The following SPATA16 variants were observed in gnomAD, a reference collection of about 807,000 sequenced individuals.
SPATA16 encodes spermatogenesis associated 16, also known as spermatogenesis-associated protein 16.
Under a neutral mutation model 63.3 loss-of-function variants are expected in SPATA16, and 36 were observed. The observed-to-expected ratio is 0.57, with a 90% confidence interval of 0.44 to 0.75. The LOEUF is 0.75. Among genes scored for constraint, SPATA16 ranks in the 30% least tolerant of loss-of-function variants. The pLI is 0.00. For synonymous variants in SPATA16, 203 were observed against 216.7 expected, an observed-to-expected ratio of 0.94 and a Z score of 0.56; for missense variants, 646 against 679.3, an observed-to-expected ratio of 0.95 and a Z score of 0.54.
chr3:172,984,474 C>G (rs1466937087), intron 4 of SPATA16, among the ~76,000 whole-genome samples: 1 of 152,214 alleles, frequency 6.6e-6, no homozygotes. Context: ...CATAAGGAGA[C>G]TCAGCTTTGA....
chr3:173,130,806 C>T (rs894392136), intron 1 of SPATA16, among the ~76,000 whole-genome samples: 8 of 152,090 alleles, frequency 5.3e-5, no homozygotes, highest in African/African-American at 1.9e-4. Context: ...TTTGTATATA[C>T]TTATCCTTGG....
chr3:173,097,149 C>A (rs1737378602), intron 2 of SPATA16, among the ~76,000 whole-genome samples: 1 of 152,154 alleles, frequency 6.6e-6, no homozygotes, highest in Non-Finnish European at 1.5e-5. Context: ...TGTGAATCAT[C>A]CTTTTGTCTC....
intron 1 of SPATA16, among the ~76,000 whole-genome samples, chr3:173,134,488 C>CAA (rs201843813): frequency 0.01 from 1,475 of 145,350 alleles, 21 homozygotes; most frequent in African/African-American, 0.036. Flanking sequence ...GACTCTGCCT[C>CAA]AAAAAAGAAA....
intron 1 of SPATA16, among the ~76,000 whole-genome samples, chr3:173,131,243 C>A (rs192267621): frequency 6.6e-6 from 1 of 152,128 alleles, no homozygotes; most frequent in African/African-American, 2.4e-5. Flanking sequence ...CAAAATACAT[C>A]GTTCAAACAG....
At chr3:172,976,637 A>T (rs1368355023) in intron 5 of SPATA16, among the ~76,000 whole-genome samples, 1 of 152,086 alleles carries the variant, frequency 6.6e-6, no homozygotes, top group Non-Finnish European at 1.5e-5. Flanking sequence ...CAGGCTGTAG[A>T]TCAGTAAGAA....
At chr3:172,920,306 T>C (rs1174471520) in intron 8 of SPATA16, among the ~76,000 whole-genome samples, 1 of 152,350 alleles carries the variant, frequency 6.6e-6, no homozygotes, top group Non-Finnish European at 1.5e-5. Context: ...ACTATGCATG[T>C]GCTTCTCCTA....
At position 173,115,935 on chromosome 3, in the gene SPATA16, C is replaced by T. The variant is rs148794264; in HGVS notation, c.612+1185G>A. Among the ~76,000 whole-genome samples, 1,504 of 151,700 alleles carry T rather than the reference C, an allele frequency of 9.9e-3. 6 individuals are homozygous for T. The highest frequency in any genetic ancestry group is 0.024 in the Middle Eastern group (7 of 294). On this transcript the variant is annotated intron_variant, in intron 2 of 10. Transcript: ENST00000351008. Reference sequence around the variant, plus strand: ...TGACACAGAGTCTTACTCTGTTGCCCAGCCTGGAATGCAGTGGTGTAATTA... The same window carrying T: ...TGACACAGAGTCTTACTCTGTTGCCTAGCCTGGAATGCAGTGGTGTAATTA...
intron 6 of SPATA16, among the ~76,000 whole-genome samples, chr3:172,937,285 G>T (rs2109595738): frequency 6.6e-6 from 1 of 152,208 alleles, no homozygotes; most frequent in Non-Finnish European, 1.5e-5. Flanking sequence ...ACCTTTGATT[G>T]GTTATTCATG....
At chr3:172,944,257 A>G (rs528569874) in intron 6 of SPATA16, among the ~76,000 whole-genome samples, 3 of 152,368 alleles carry the variant, frequency 2.0e-5, no homozygotes, top group Admixed American at 6.5e-5. Flanking sequence ...AGCACATGAA[A>G]GATGCTCAAC....
intron 3 of SPATA16, among the ~76,000 whole-genome samples, chr3:173,047,349 A>G (rs1735981487): frequency 6.6e-6 from 1 of 151,960 alleles, no homozygotes; most frequent in Non-Finnish European, 1.5e-5. Context: ...AAATAATCTG[A>G]TATCCAAGAA....
In SPATA16 at chr3:173,019,573, C is replaced by G; in HGVS notation, c.761G>C (p.Ser254Thr). Residue 254 changes from serine to threonine, a missense_variant and splice_region_variant, in exon 4 of 11, where the codon AGC (serine) becomes ACC (threonine). Ser to Thr is a moderately conservative substitution (Grantham distance 58, BLOSUM62 1). Coordinates refer to ENST00000351008, the MANE Select transcript of SPATA16 (RefSeq NM_031955.6). ...PDLALNHAHR[S>T]IVLNPAYFRN... ...GAAATAGGCTGGGTTTAAAACAATG[C>G]TCCTGTAAAAAGGTAAAAGAAATGC... The G allele has an allele frequency of 6.2e-7, 1 of 1,613,746 alleles. No individual in the cohort carries two copies. Among genetic ancestry groups the G allele is most frequent in the Non-Finnish European group, 8.5e-7 (1 of 1,179,798 alleles).
intron 4 of SPATA16, among the ~76,000 whole-genome samples, chr3:173,010,261 C>T (rs578057910): frequency 1.3e-5 from 2 of 152,156 alleles, no homozygotes; most frequent in Non-Finnish European, 2.9e-5. Flanking sequence ...CCTCTGTTGC[C>T]CCCAGGTTGG....
chr3:172,932,832 G>A (rs7642841), intron 6 of SPATA16, among the ~76,000 whole-genome samples: 2 of 151,874 alleles, frequency 1.3e-5, no homozygotes. Flanking sequence ...TAATTTCAGA[G>A]TTATAGACAG....
intron 5 of SPATA16, among the ~76,000 whole-genome samples, chr3:172,957,292 T>C (rs1733621231): frequency 6.6e-6 from 1 of 152,088 alleles, no homozygotes; most frequent in Non-Finnish European, 1.5e-5. Flanking sequence ...CTTTTTCCAA[T>C]ACCTGGGAAA....
chr3:173,010,946 A>G (rs1420189366), intron 4 of SPATA16, among the ~76,000 whole-genome samples: 1 of 152,150 alleles, frequency 6.6e-6, no homozygotes, highest in Non-Finnish European at 1.5e-5. Flanking sequence ...AGTAATAAAA[A>G]ACCTACCAAC....
At chr3:173,009,565 A>G (rs886936117) in intron 4 of SPATA16, among the ~76,000 whole-genome samples, 1 of 152,230 alleles carries the variant, frequency 6.6e-6, no homozygotes, top group African/African-American at 2.4e-5. Flanking sequence ...CAGCTACAGT[A>G]GCCCCACCAA....
intron 6 of SPATA16, among the ~76,000 whole-genome samples, chr3:172,947,683 A>G (rs900916624): frequency 1.3e-5 from 2 of 152,168 alleles, no homozygotes; most frequent in Non-Finnish European, 2.9e-5. Flanking sequence ...CAGGAACAGA[A>G]AACCAAACAC....
chr3:173,121,262 CT>C (rs1331032669), intron 1 of SPATA16, among the ~76,000 whole-genome samples: 6 of 151,166 alleles, frequency 4.0e-5, no homozygotes, highest in Non-Finnish European at 5.9e-5. Flanking sequence ...GGAACTGCTG[CT>C]TATGGCTTCT....
intron 2 of SPATA16, among the ~76,000 whole-genome samples, chr3:173,062,790 G>T (rs1267373795): frequency 1.3e-5 from 2 of 152,164 alleles, no homozygotes; most frequent in African/African-American, 2.4e-5. Context: ...AGGTTGGAGG[G>T]TGGATGGTTT....
Sources: gnomAD v4.1 joint callset for allele counts (sites outside exome capture counted in the v4.1 genomes callset) on GRCh38, gnomAD v4.1.1 for gene constraint, MANE v1.5 for transcripts, NCBI Gene and HGNC (gene_info 2026-07-23, HGNC 2026-07-21) for gene names.